Variants in MSI2 observed in about 807,000 individuals in gnomAD.
MSI2 encodes the protein RNA-binding protein Musashi homolog 2.
Under a neutral mutation model 45.6 loss-of-function variants are expected in MSI2, and 17 were observed. That is an observed-to-expected ratio of 0.37 (90% CI 0.26 to 0.56). The LOEUF is 0.56. MSI2 is among the 20% of genes least tolerant of loss of function. The pLI is 0.77. For missense variants in MSI2, 293 were observed against 444.2 expected (o/e 0.66, Z 3.06); for synonymous variants, 156 against 158.2 (o/e 0.99, Z 0.11).
At chr17:57,335,462 A>G (rs911208074) in intron 5 of MSI2, among the ~76,000 whole-genome samples, 4 of 152,230 alleles carry the variant, frequency 2.6e-5, no homozygotes, top group Admixed American at 2.0e-4. Context: ...GGCCTATGGC[A>G]GATTTTTTGT....
chr17:57,341,623 T>C (rs1382149570), intron 5 of MSI2, among the ~76,000 whole-genome samples: 1 of 152,252 alleles, frequency 6.6e-6, no homozygotes, highest in Non-Finnish European at 1.5e-5. Flanking sequence ...AGAGTGTTTG[T>C]AGCAAGTGGT....
intron 5 of MSI2, among the ~76,000 whole-genome samples, chr17:57,289,929 G>A (rs1270777019): frequency 6.6e-6 from 1 of 152,244 alleles, no homozygotes; most frequent in Admixed American, 6.5e-5. Flanking sequence ...AGAACCAGAT[G>A]GCTTTATGGA....
chr17:57,528,106 T>C (rs1861472), intron 6 of MSI2, among the ~76,000 whole-genome samples: 122,214 of 150,846 alleles, frequency 0.81, 49,687 homozygotes, highest in East Asian at 0.93. Flanking sequence ...TTACCCCCCC[T>C]ACAGCCACAC....
At chr17:57,507,188 T>A in intron 6 of MSI2, among the ~76,000 whole-genome samples, 1 of 102,120 alleles carries the variant, frequency 9.8e-6, no homozygotes, top group Non-Finnish European at 2.0e-5. Flanking sequence ...GGGGGGGGGG[T>A]GTAAATCTCT....
chr17:57,307,258 C>T (rs1911999767), intron 5 of MSI2, among the ~76,000 whole-genome samples: 1 of 152,174 alleles, frequency 6.6e-6, no homozygotes. Flanking sequence ...CATTTCTAAT[C>T]AGTTGACTTT....
intron 6 of MSI2, among the ~76,000 whole-genome samples, chr17:57,460,877 G>A (rs1288916257): frequency 6.6e-6 from 1 of 152,128 alleles, no homozygotes; most frequent in African/African-American, 2.4e-5. Context: ...GCAGGCTCTG[G>A]GTGGTGCATT....
intron 6 of MSI2, among the ~76,000 whole-genome samples, chr17:57,405,041 C>T (rs1034345254): frequency 6.6e-6 from 1 of 152,164 alleles, no homozygotes; most frequent in Middle Eastern, 3.4e-3. Flanking sequence ...GGCATTCCCA[C>T]CCCTGGGTAG....
At chr17:57,534,999 G>T (rs1471981385) in intron 7 of MSI2, among the ~76,000 whole-genome samples, 1 of 152,208 alleles carries the variant, frequency 6.6e-6, no homozygotes, top group African/African-American at 2.4e-5. Context: ...GATCCCAAGT[G>T]GGGCTGGAGG....
chr17:57,326,090 C>G (rs549800678), intron 5 of MSI2, among the ~76,000 whole-genome samples: 1 of 152,232 alleles, frequency 6.6e-6, no homozygotes, highest in South Asian at 2.1e-4. Flanking sequence ...CCCGTCACCC[C>G]CATTAGGTTG....
At chr17:57,368,401 C>A (rs954159900) in intron 5 of MSI2, among the ~76,000 whole-genome samples, 1 of 151,904 alleles carries the variant, frequency 6.6e-6, no homozygotes, top group Non-Finnish European at 1.5e-5. Context: ...ACTAAAAATA[C>A]AAAAATTAGC....
intron 5 of MSI2, among the ~76,000 whole-genome samples, chr17:57,352,763 C>A (rs998017493): frequency 3.3e-5 from 5 of 152,198 alleles, no homozygotes; most frequent in Non-Finnish European, 5.9e-5. Flanking sequence ...TTGGTCTCTT[C>A]TTGGTCCATG....
chr17:57,388,806 A>G (rs918789071), intron 5 of MSI2, among the ~76,000 whole-genome samples: 1 of 151,378 alleles, frequency 6.6e-6, no homozygotes. Flanking sequence ...GATGTGTACC[A>G]CCACACCTGG....
intron 7 of MSI2, among the ~76,000 whole-genome samples, chr17:57,548,931 C>T (rs1041567161): frequency 7.9e-6 from 1 of 126,960 alleles, no homozygotes; most frequent in Non-Finnish European, 1.7e-5. Context: ...AAAAAATCAT[C>T]TCCCACTGAA....
At chr17:57,372,147 AG>A (rs1567785946) in intron 5 of MSI2, among the ~76,000 whole-genome samples, 1 of 152,186 alleles carries the variant, frequency 6.6e-6, no homozygotes, top group Non-Finnish European at 1.5e-5. Context: ...TAATTTAAAA[AG>A]ATTGGGGTTT....
At chr17:57,582,430 G>A (rs1307729451) in intron 7 of MSI2, among the ~76,000 whole-genome samples, 1 of 152,008 alleles carries the variant, frequency 6.6e-6, no homozygotes, top group Non-Finnish European at 1.5e-5. Flanking sequence ...AATAATTAAA[G>A]TAATATTTTT....
At chr17:57,559,801 G>A (rs754907265) in intron 7 of MSI2, among the ~76,000 whole-genome samples, 23 of 152,256 alleles carry the variant, frequency 1.5e-4, no homozygotes, top group Non-Finnish European at 2.4e-4. Flanking sequence ...GCCACTGGAC[G>A]TCTGGAGAGA....
chr17:57,370,344 G>A (rs2083402311), intron 5 of MSI2, among the ~76,000 whole-genome samples: 1 of 152,180 alleles, frequency 6.6e-6, no homozygotes, highest in Admixed American at 6.5e-5. Flanking sequence ...CAAAGAGTAG[G>A]ATTACGTATA....
At chr17:57,406,502 C>T (rs1443059405) in intron 6 of MSI2, among the ~76,000 whole-genome samples, 1 of 152,168 alleles carries the variant, frequency 6.6e-6, no homozygotes, top group Non-Finnish European at 1.5e-5. Flanking sequence ...CAGCTGTTCC[C>T]GGGAATGATA....
chr17:57,479,505 T>G (rs1360046250), intron 6 of MSI2, among the ~76,000 whole-genome samples: 4 of 152,234 alleles, frequency 2.6e-5, no homozygotes, highest in Non-Finnish European at 5.9e-5. Context: ...ATACTCCATT[T>G]TTATATTTAA....
Sources: allele counts gnomAD v4.1 joint callset (sites outside exome capture counted in the v4.1 genomes callset), GRCh38; gene constraint gnomAD v4.1.1; transcripts MANE v1.5; gene names NCBI Gene and HGNC (gene_info 2026-07-23, HGNC 2026-07-21).